UTS2B: variants seen among roughly 807,000 people sequenced by gnomAD.
UTS2B encodes the protein urotensin-2B.
In UTS2B, 21 loss-of-function variants were observed where a neutral mutation model predicts 19.2. That is an observed-to-expected ratio of 1.09 (90% CI 0.78 to 1.58). The LOEUF is 1.58. Ranked by LOEUF, UTS2B falls within the 40% of genes most tolerant of loss-of-function variation. The pLI is 0.00. For synonymous variants in UTS2B, 57 were observed against 50.2 expected (o/e 1.14, Z -0.58); for missense variants, 138 against 130.3 (o/e 1.06, Z -0.29).
intron 7 of UTS2B, 33 bp from the exon 8 acceptor site, chr3:191,275,378 C>A (rs772776485): frequency 6.4e-7 from 1 of 1,569,954 alleles, no homozygotes; most frequent in South Asian, 1.1e-5. Context: ...ATTAATTGGT[C>A]TTCTATAAAA....
chr3:191,295,246 C>T lies in UTS2B; in HGVS notation c.-125+9246G>A, dbSNP rs192033590. 1.1e-3 allele frequency among the ~76,000 whole-genome samples: 172 copies of T among 151,970 alleles called. 2 individuals are homozygous for T. The highest frequency in any genetic ancestry group is 3.9e-3 in the African/African-American group (163 of 41,276). ...CTTTGAATCTCACTTTCATCTTTCC[C>T]TTCACTGAAATACTAAAATAGCCCT... On this transcript the variant is annotated intron_variant, in intron 4 of 8. Coordinates refer to ENST00000340524, the MANE Select transcript of UTS2B (RefSeq NM_198152.5).
At chr3:191,346,068 C>G in the UTS2B span, among the ~76,000 whole-genome samples, 2 of 152,156 alleles carry the variant, frequency 1.3e-5, no homozygotes, top group Non-Finnish European at 2.9e-5. Context: ...TCATATTTCT[C>G]TTCTTACATT....
At chr3:191,324,737 G>A (rs1347330661) in intron 2 of UTS2B, among the ~76,000 whole-genome samples, 1 of 152,098 alleles carries the variant, frequency 6.6e-6, no homozygotes, top group African/African-American at 2.4e-5. Flanking sequence ...AATACAATGG[G>A]GTATAAGCTC....
chr3:191,278,829 CA>C (rs990650722), intron 5 of UTS2B, among the ~76,000 whole-genome samples: 4 of 151,498 alleles, frequency 2.6e-5, no homozygotes, highest in Admixed American at 6.6e-5. Flanking sequence ...CATGAAGATT[CA>C]AAAAAAATCC....
intron 4 of UTS2B, among the ~76,000 whole-genome samples, chr3:191,289,002 A>C (rs1458679959): frequency 1.3e-5 from 2 of 152,218 alleles, no homozygotes; most frequent in African/African-American, 4.8e-5. Context: ...CAAACAAATC[A>C]ATATCAAGAA....
chr3:191,301,004 C>CT (rs1716984649), intron 4 of UTS2B, among the ~76,000 whole-genome samples: 1 of 152,170 alleles, frequency 6.6e-6, no homozygotes, highest in African/African-American at 2.4e-5. Context: ...TATGGTTACT[C>CT]TTTTTCCTCC....
At chr3:191,276,751 GA>G in intron 7 of UTS2B, 55 bp downstream of exon 7, 1 of 1,450,698 alleles carries the variant, frequency 6.9e-7, no homozygotes, top group Non-Finnish European at 9.5e-7. Flanking sequence ...GTGTCAAGAA[GA>G]AATTTCCTTA....
upstream of UTS2B, among the ~76,000 whole-genome samples, chr3:191,333,606 T>C (rs1379219726): frequency 1.3e-5 from 2 of 152,206 alleles, no homozygotes; most frequent in Non-Finnish European, 2.9e-5. Flanking sequence ...GTTTATGTCT[T>C]AGTTATCTTG....
chr3:191,322,472 T>C (rs1717636177), intron 2 of UTS2B, among the ~76,000 whole-genome samples: 1 of 152,236 alleles, frequency 6.6e-6, no homozygotes, highest in Non-Finnish European at 1.5e-5. Flanking sequence ...ACTGCTAATG[T>C]TAATAAGAAC....
intron 5 of UTS2B, among the ~76,000 whole-genome samples, chr3:191,280,785 T>C (rs1464410968): frequency 6.6e-6 from 1 of 152,122 alleles, no homozygotes; most frequent in Non-Finnish European, 1.5e-5. Context: ...TTTTGCAAAG[T>C]CTTCAGCAAA....
intron 2 of UTS2B, among the ~76,000 whole-genome samples, chr3:191,327,305 G>T (rs1717769919): frequency 1.3e-5 from 2 of 152,162 alleles, no homozygotes; most frequent in Admixed American, 1.3e-4. Flanking sequence ...AGACCAGCCT[G>T]GCCAACATGC....
upstream of UTS2B, among the ~76,000 whole-genome samples, chr3:191,332,862 C>T (rs113774279): frequency 3.6e-3 from 553 of 152,302 alleles, 1 homozygote; most frequent in Non-Finnish European, 5.5e-3. Context: ...TTAGCCCTCT[C>T]TAACCAAGAT....
chr3:191,313,876 G>A (rs988481834), intron 3 of UTS2B, among the ~76,000 whole-genome samples: 2 of 151,698 alleles, frequency 1.3e-5, no homozygotes, highest in African/African-American at 4.8e-5. Context: ...GCTCACTGGC[G>A]CCTGCCACCA....
intron 4 of UTS2B, among the ~76,000 whole-genome samples, chr3:191,300,577 T>C (rs1483241420): frequency 1.3e-5 from 2 of 152,196 alleles, no homozygotes; most frequent in East Asian, 1.9e-4. Flanking sequence ...TATTGCAATG[T>C]GAGAAGGATG....
intron 2 of UTS2B, among the ~76,000 whole-genome samples, chr3:191,317,014 A>G (rs532186691): frequency 2.0e-5 from 3 of 152,238 alleles, no homozygotes; most frequent in African/African-American, 7.2e-5. Context: ...GCGTGCCTGC[A>G]CTCCTCATCC....
At chr3:191,341,678 A>G in the UTS2B span, among the ~76,000 whole-genome samples, 1 of 152,228 alleles carries the variant, frequency 6.6e-6, no homozygotes, top group Non-Finnish European at 1.5e-5. Context: ...TCAAGAGTTC[A>G]CATGTAACTG....
intron 2 of UTS2B, among the ~76,000 whole-genome samples, chr3:191,323,400 C>T (rs1717661757): frequency 6.6e-6 from 1 of 152,150 alleles, no homozygotes; most frequent in African/African-American, 2.4e-5. Flanking sequence ...AACTTCTGAC[C>T]TCAGGTGGTT....
chr3:191,334,659 C>T (rs1718085463), upstream of UTS2B, among the ~76,000 whole-genome samples: 1 of 152,110 alleles, frequency 6.6e-6, no homozygotes, highest in Non-Finnish European at 1.5e-5. Flanking sequence ...TTATTCTTCC[C>T]TCCATTTCTT....
intron 3 of UTS2B, among the ~76,000 whole-genome samples, chr3:191,310,058 G>C (rs1717255991): frequency 6.6e-6 from 1 of 151,828 alleles, no homozygotes; most frequent in Admixed American, 6.6e-5. Context: ...TGCTTCCCAG[G>C]TTTAAGTGAT....
Sources: gnomAD v4.1 joint callset for allele counts (sites outside exome capture counted in the v4.1 genomes callset) on GRCh38, gnomAD v4.1.1 for gene constraint, MANE v1.5 for transcripts, NCBI Gene and HGNC (gene_info 2026-07-23, HGNC 2026-07-21) for gene names.